ABCC12: variants seen among roughly 807,000 people sequenced by gnomAD.
ABCC12 encodes the protein ATP binding cassette subfamily C member 12.
Under a neutral mutation model 151.1 loss-of-function variants are expected in ABCC12, and 142 were observed. The ratio of observed to expected loss-of-function variants is 0.94; its 90% CI spans 0.82 to 1.08. The LOEUF (loss-of-function observed/expected upper bound fraction) is 1.08. Ranked by LOEUF, ABCC12 falls within the 50% of genes least tolerant of loss-of-function variation. The pLI, the probability that ABCC12 is intolerant of heterozygous loss-of-function variation, is 0.00. For synonymous variants in ABCC12, 645 were observed against 646.4 expected (o/e 1.00, Z 0.03); for missense variants, 1,638 against 1,691.1 (o/e 0.97, Z 0.55).
chr16:48,116,082 C>G (rs1963874103), intron 14 of ABCC12, among the ~76,000 whole-genome samples: 1 of 152,214 alleles, frequency 6.6e-6, no homozygotes, highest in South Asian at 2.1e-4. Flanking sequence ...CTAGGCAACT[C>G]TAAGCACTGT....
chr16:48,097,186 A>C (rs973705301), intron 23 of ABCC12, among the ~76,000 whole-genome samples: 1 of 152,198 alleles, frequency 6.6e-6, no homozygotes, highest in Admixed American at 6.5e-5. Context: ...TGTCTTTCCC[A>C]GAACTGGCAG....
In ABCC12 at chr16:48,146,425, C is replaced by G. The variant is rs762484147; in HGVS notation, c.-1G>C. ...TAAGGTAGGGTCCTTCACCCACCATCCTGATGGCAGCCTGGAGCCCTGGGC... is the reference window on the plus strand; with the variant it reads ...TAAGGTAGGGTCCTTCACCCACCATGCTGATGGCAGCCTGGAGCCCTGGGC... On this transcript the variant is annotated 5_prime_UTR_variant, in exon 3 of 31. Transcript: ENST00000311303. 1 of 1,613,746 alleles carries G rather than the reference C, an allele frequency of 6.2e-7. No homozygotes were observed. The highest frequency in any genetic ancestry group is 8.5e-7 in the Non-Finnish European group (1 of 1,179,634).
At position 48,087,906 on chromosome 16, in the gene ABCC12, C is replaced by T; in HGVS notation, c.3635+20G>A. ...TTCACTCTCCAAAAATAGAAATGCA[C>T]AATGATTAAAAACAGCTACCTTACT... On this transcript the variant is annotated intron_variant, in intron 27 of 30. Coordinates refer to ENST00000311303, the MANE Select transcript of ABCC12 (RefSeq NM_001393797.1). 1 of 1,601,518 alleles carries T rather than the reference C, an allele frequency of 6.2e-7. No individual in the cohort carries two copies. The highest frequency in any genetic ancestry group is 1.7e-4 in the Middle Eastern group (1 of 5,990).
chr16:48,144,536 G>A (rs1183181560), intron 3 of ABCC12, among the ~76,000 whole-genome samples: 1 of 151,828 alleles, frequency 6.6e-6, no homozygotes, highest in Non-Finnish European at 1.5e-5. Flanking sequence ...CTTCACTAAG[G>A]TAGTATAGAA....
chr16:48,133,836 C>A lies in ABCC12; in HGVS notation c.980-1G>T. ...AATTTTCTTTCCCTCCTTCTTATAT[C>A]TGCAAAATAGAACACAGTCCAAGGT... is the stretch of plus-strand genomic sequence containing the variant. On this transcript the variant is annotated splice_acceptor_variant, in intron 8 of 30. Coordinates refer to ENST00000311303, the MANE Select transcript of ABCC12 (RefSeq NM_001393797.1). LOFTEE classifies it high-confidence loss of function. The A allele has an allele frequency of 6.2e-7, 1 of 1,614,156 alleles. No homozygotes were observed. The highest frequency in any genetic ancestry group is 1.1e-5 in the South Asian group (1 of 91,074).
chr16:48,142,107 T>C (rs112820344), intron 4 of ABCC12, among the ~76,000 whole-genome samples: 1 of 152,050 alleles, frequency 6.6e-6, no homozygotes, highest in African/African-American at 2.4e-5. Flanking sequence ...CCGACCCCAG[T>C]TTTCGGGCTT....
chr16:48,144,852 A>G (rs1964944852), intron 3 of ABCC12, among the ~76,000 whole-genome samples: 1 of 152,240 alleles, frequency 6.6e-6, no homozygotes, highest in Non-Finnish European at 1.5e-5. Flanking sequence ...TTCATGATAC[A>G]GTCATGCATT....
In ABCC12 at chr16:48,141,360, T is replaced by A; in HGVS notation, c.276-7A>T. ...ATCCCAAAGGACTCGAAATCTGTGA[T>A]GAAAAAACAGAAGCATAAAATGGAT... On this transcript the variant is annotated splice_polypyrimidine_tract_variant and splice_region_variant and intron_variant, in intron 4 of 30. Transcript: ENST00000311303. 1 of 1,613,076 alleles carries A rather than the reference T, an allele frequency of 6.2e-7. No individual in the cohort carries two copies. The highest frequency in any genetic ancestry group is 8.5e-7 in the Non-Finnish European group (1 of 1,179,810).
At chr16:48,132,440 A>G (rs1346755849) in intron 9 of ABCC12, among the ~76,000 whole-genome samples, 1 of 152,102 alleles carries the variant, frequency 6.6e-6, no homozygotes. Context: ...TGGCTTTGCA[A>G]ACGTCACCTC....
At chr16:48,144,858 G>T (rs1249875651) in intron 3 of ABCC12, among the ~76,000 whole-genome samples, 3 of 152,192 alleles carry the variant, frequency 2.0e-5, no homozygotes, top group African/African-American at 7.2e-5. Context: ...ATACAGTCAT[G>T]CATTACTTCA....
rs191033797 is a variant in ABCC12 at position 48,141,198 on chromosome 16, G to T, written c.423+8C>A. On this transcript the variant is annotated splice_region_variant and intron_variant, in intron 5 of 30. Coordinates refer to ENST00000311303, the MANE Select transcript of ABCC12 (RefSeq NM_001393797.1). ...TAGCAGATGAGGAGGAAGGGCTGCC[G>T]CACTCACCGGCCCTATGGCTGCCAT... 1 of 1,612,442 alleles carries T rather than the reference G, an allele frequency of 6.2e-7. No individual in the cohort carries two copies. The highest frequency in any genetic ancestry group is 8.5e-7 in the Non-Finnish European group (1 of 1,178,710).
chr16:48,128,582 G>C lies in ABCC12; in HGVS notation c.1392C>G (p.Cys464Trp), dbSNP rs1451785678. 3.7e-6 allele frequency: 6 copies of C among 1,614,082 alleles called. No individual in the cohort carries two copies. Among genetic ancestry groups the C allele is most frequent in the African/African-American group, 1.3e-5 (1 of 74,920 alleles). The change falls in exon 11 of 31, where the codon TGC becomes TGG. Residue 464 changes from cysteine (C) to tryptophan (W), a missense_variant. Transcript: ENST00000311303. ...TGTATGCCTCTGACCTCTGTTTCTT[G>C]CATAAATGCCTTTTCTGGTTCTGCA... ...KKLQNQKRHL[C>W]KKQRSEAYSE... is the part of the protein sequence containing the mutation.
Position 48,106,472 on chromosome 16 carries a change from TGA to T in ABCC12, c.2475+848_2475+849del, listed in dbSNP as rs375232667. 1.5e-3 allele frequency among the ~76,000 whole-genome samples: 235 copies of T among 152,288 alleles called. 1 individual carries two copies. The highest frequency in any genetic ancestry group is 5.3e-3 in the African/African-American group (221 of 41,560). ...GACTCCTGGGGAAGCACCAAGCCTG[TGA>T]GGAGGCTGCACCCTGACTCCAAACC... is the stretch of plus-strand genomic sequence containing the variant. On this transcript the variant is annotated intron_variant, in intron 20 of 30. Transcript: ENST00000311303.
rs939620827 is a variant in ABCC12 at position 48,080,911 on chromosome 16, C to T, written c.*2804G>A. On this transcript the variant is annotated 3_prime_UTR_variant, in exon 31 of 31. Coordinates refer to ENST00000311303, the MANE Select transcript of ABCC12 (RefSeq NM_001393797.1). ...TTATAAACAACAGAAATTTATTGCTCACAGTTCTGGACGCTGGGAAATCCA... is the reference window on the plus strand; with the variant it reads ...TTATAAACAACAGAAATTTATTGCTTACAGTTCTGGACGCTGGGAAATCCA... 4.6e-5 allele frequency among the ~76,000 whole-genome samples: 7 copies of T among 152,278 alleles called. 1 individual carries two copies. The highest frequency in any genetic ancestry group is 2.1e-4 in the South Asian group (1 of 4,822).
chr16:48,133,986 G>C (rs1309640579), intron 8 of ABCC12, 151 bp from the exon 9 acceptor site: 1 of 934,898 alleles, frequency 1.1e-6, no homozygotes, highest in African/African-American at 1.7e-5. Context: ...GAAAGCCCCG[G>C]GCACAAACCC....
At position 48,143,943 on chromosome 16, in the gene ABCC12, G is replaced by A. The variant is rs955579071; in HGVS notation, c.242C>T (p.Ser81Leu). 1.9e-5 allele frequency: 31 copies of A among 1,613,990 alleles called. No individual in the cohort carries two copies. Among genetic ancestry groups the A allele is most frequent in the African/African-American group, 1.2e-4 (9 of 74,906 alleles). ...RLTVDTLPPLSTYDSSDTNAK... is the reference protein window; with the variant it reads ...RLTVDTLPPLLTYDSSDTNAK... ...ATTGGTGTCAGATGAGTCATATGTC[G>A]ACAATGGGGGCAGGGTGTCTACGGT... Residue 81 changes from serine to leucine, a missense_variant, in exon 4 of 31, where the codon TCG (serine) becomes TTG (leucine). Ser to Leu is a moderately radical substitution (Grantham distance 145, BLOSUM62 -2). Transcript: ENST00000311303.
rs758527358 is a variant in ABCC12, at chr16:48,083,995, A to G, written c.3907T>C (p.Phe1303Leu). 27 of 1,612,916 alleles carry G rather than the reference A, an allele frequency of 1.7e-5. No individual in the cohort carries two copies. The Middle Eastern group carries it at 1.3e-3, about 79-fold the overall frequency. The change falls in exon 30 of 31, where the codon TTC becomes CTC. Residue 1303 changes from phenylalanine to leucine, a missense_variant. Transcript: ENST00000311303. ...ATGGTCAGCACAGTGCAGCCCTTGA[A>G]GGCATCTTTGATGGTGTTCTGAACC... ...TLVQNTIKDA[F>L]KGCTVLTIAH...
chr16:48,139,621 C>T (rs1964736468), intron 6 of ABCC12, among the ~76,000 whole-genome samples: 2 of 152,162 alleles, frequency 1.3e-5, no homozygotes, highest in Admixed American at 1.3e-4. Flanking sequence ...CAGTCTCCCC[C>T]ACCCCCTTCT....
At chr16:48,111,106 C>T (rs1349864961) in intron 18 of ABCC12, among the ~76,000 whole-genome samples, 3 of 152,180 alleles carry the variant, frequency 2.0e-5, no homozygotes, top group African/African-American at 4.8e-5. Flanking sequence ...TTGAGCATCA[C>T]TGTGTGTCAG....
Sources: allele counts gnomAD v4.1 joint callset (sites outside exome capture counted in the v4.1 genomes callset), GRCh38; gene constraint gnomAD v4.1.1; transcripts MANE v1.5; gene names NCBI Gene and HGNC (gene_info 2026-07-23, HGNC 2026-07-21).